The following NTM variants were observed in gnomAD, a reference collection of about 807,000 sequenced individuals.
NTM encodes IgLON family member 2.
Under a neutral mutation model 42.1 loss-of-function variants are expected in NTM, and 13 were observed. The observed-to-expected ratio is 0.31, with a 90% CI of 0.20 to 0.49. The LOEUF is 0.49. Among genes scored for constraint, NTM ranks in the 20% least tolerant of loss-of-function variants. The pLI, the probability that NTM is intolerant of heterozygous loss-of-function variation, is 0.99. For missense variants in NTM, 373 were observed against 452.8 expected (o/e 0.82, Z 1.60); for synonymous variants, 187 against 179.2 (o/e 1.04, Z -0.35).
chr11:131,979,081 T>C (rs928177740), intron 2 of NTM, among the ~76,000 whole-genome samples: 9 of 152,132 alleles, frequency 5.9e-5, no homozygotes, highest in Admixed American at 6.5e-5. Context: ...AGACATAGGA[T>C]TCTTGAATCC....
intron 1 of NTM, among the ~76,000 whole-genome samples, chr11:131,707,291 C>T (rs1445402884): frequency 2.0e-5 from 3 of 152,006 alleles, no homozygotes; most frequent in Non-Finnish European, 4.4e-5. Flanking sequence ...GCATAATGTC[C>T]TTCAGGTTCA....
chr11:132,105,018 C>A (rs1469904187), intron 2 of NTM, among the ~76,000 whole-genome samples: 2 of 126,180 alleles, frequency 1.6e-5, no homozygotes, highest in African/African-American at 3.0e-5. Flanking sequence ...ATGAGGAGGG[C>A]AACATTTGAG....
At position 131,425,485 on chromosome 11, in the gene NTM, G is replaced by A. The variant is rs187361538; in HGVS notation, c.82+54597G>A. On this transcript the variant is annotated intron_variant, in intron 1 of 8. Transcript: ENST00000683400. Reference sequence around the variant, plus strand: ...ATAACGGGAACTTAGAACTCTGAGAGAGGAAAAAGTCCAAAGGCTTCCCTG... The same window carrying A: ...ATAACGGGAACTTAGAACTCTGAGAAAGGAAAAAGTCCAAAGGCTTCCCTG... Among the ~76,000 whole-genome samples, 3 of 152,300 alleles carry A rather than the reference G, an allele frequency of 2.0e-5. No individual in the cohort carries two copies. The East Asian group carries it at 5.8e-4, about 29-fold the overall frequency.
At chr11:132,230,873 A>C (rs553968101) in intron 4 of NTM, among the ~76,000 whole-genome samples, 2 of 152,192 alleles carry the variant, frequency 1.3e-5, no homozygotes, top group African/African-American at 4.8e-5. Context: ...AAAATTTTTT[A>C]ATCAGCTGGG....
At chr11:131,757,229 CA>C (rs2083457467) in intron 1 of NTM, among the ~76,000 whole-genome samples, 2 of 152,226 alleles carry the variant, frequency 1.3e-5, no homozygotes, top group African/African-American at 4.8e-5. Flanking sequence ...CCAGAAAGAT[CA>C]CTTCTTTCTT....
intron 2 of NTM, among the ~76,000 whole-genome samples, chr11:131,931,491 G>GTGTA (rs1484744550): frequency 2.6e-5 from 4 of 151,622 alleles, no homozygotes; most frequent in Admixed American, 2.6e-4. Flanking sequence ...GTGTGTGTGT[G>GTGTA]TGTGTGTGTG....
chr11:132,022,257 C>T (rs749963549), intron 2 of NTM, among the ~76,000 whole-genome samples: 10 of 152,176 alleles, frequency 6.6e-5, no homozygotes, highest in African/African-American at 9.6e-5. Context: ...GTTAAGATTT[C>T]GTTCAATTAC....
At chr11:131,422,342 C>A (rs1452894739) in intron 1 of NTM, among the ~76,000 whole-genome samples, 1 of 152,176 alleles carries the variant, frequency 6.6e-6, no homozygotes, top group African/African-American at 2.4e-5. Context: ...ATCTCCTCCC[C>A]ACAAGGTTTC....
intron 2 of NTM, among the ~76,000 whole-genome samples, chr11:131,964,413 A>G (rs143224274): frequency 2.6e-3 from 403 of 152,292 alleles, no homozygotes; most frequent in Non-Finnish European, 5.0e-3. Context: ...AGCAGCCTCT[A>G]AAGTGTCAGC....
At chr11:132,048,852 A>G (rs1215545563) in intron 2 of NTM, among the ~76,000 whole-genome samples, 5 of 143,614 alleles carry the variant, frequency 3.5e-5, no homozygotes, top group Non-Finnish European at 6.0e-5. Flanking sequence ...CAGCTATTAC[A>G]TGAAAACCGT....
intron 1 of NTM, among the ~76,000 whole-genome samples, chr11:131,899,396 T>C (rs996756553): frequency 9.2e-5 from 14 of 152,158 alleles, no homozygotes; most frequent in African/African-American, 3.4e-4. Flanking sequence ...CTTTACCAAG[T>C]GTACATAAAC....
intron 1 of NTM, among the ~76,000 whole-genome samples, chr11:131,530,037 C>T (rs2051030482): frequency 6.6e-6 from 1 of 152,178 alleles, no homozygotes; most frequent in South Asian, 2.1e-4. Flanking sequence ...CATCCCTCCC[C>T]ATTGGATGCA....
At chr11:132,046,258 A>G (rs1253053728) in intron 2 of NTM, among the ~76,000 whole-genome samples, 1 of 152,132 alleles carries the variant, frequency 6.6e-6, no homozygotes, top group Admixed American at 6.6e-5. Flanking sequence ...TTTTGTCATT[A>G]TTGCTATCAT....
Position 132,098,971 on chromosome 11 carries a change from C to T in NTM, c.168-47311C>T, listed in dbSNP as rs1241684661. 2.6e-5 allele frequency among the ~76,000 whole-genome samples: 4 copies of T among 152,310 alleles called. No individual in the cohort carries two copies. The East Asian group carries it at 7.7e-4, about 29-fold the overall frequency. ...CATTATGTTCATGTTTAATCGGGAG[C>T]GATAGTTTTGTCTTCTTTATAAAAG... On this transcript the variant is annotated intron_variant, in intron 2 of 8. Transcript: ENST00000683400.
intron 1 of NTM, among the ~76,000 whole-genome samples, chr11:131,685,323 A>G (rs1243777553): frequency 6.6e-6 from 1 of 152,012 alleles, no homozygotes; most frequent in Non-Finnish European, 1.5e-5. Flanking sequence ...GGGCTCATGG[A>G]GAGTCGGGCA....
intron 1 of NTM, among the ~76,000 whole-genome samples, chr11:131,876,758 T>C (rs551351479): frequency 2.6e-5 from 4 of 152,112 alleles, no homozygotes; most frequent in African/African-American, 4.8e-5. Context: ...AAAATAACAA[T>C]GGCTATGCTA....
intron 1 of NTM, among the ~76,000 whole-genome samples, chr11:131,416,205 C>T (rs115689366): frequency 0.035 from 5,101 of 147,520 alleles, 278 homozygotes; most frequent in African/African-American, 0.12. Flanking sequence ...TTTTTTTTTT[C>T]TTCCCTTTTC....
At chr11:131,471,742 T>C (rs111912769) in intron 1 of NTM, among the ~76,000 whole-genome samples, 38 of 152,320 alleles carry the variant, frequency 2.5e-4, no homozygotes, top group African/African-American at 8.9e-4. Context: ...GTCTCCAGCA[T>C]AGCCTGCCTT....
At chr11:131,617,264 C>T (rs540251231) in intron 1 of NTM, among the ~76,000 whole-genome samples, 19 of 152,214 alleles carry the variant, frequency 1.2e-4, no homozygotes, top group Non-Finnish European at 2.1e-4. Context: ...GGCTACAGAG[C>T]TCTGATCACA....
Sources: allele counts gnomAD v4.1 joint callset (sites outside exome capture counted in the v4.1 genomes callset), GRCh38; gene constraint gnomAD v4.1.1; transcripts MANE v1.5; gene names NCBI Gene and HGNC (gene_info 2026-07-23, HGNC 2026-07-21).